The following FAM90A26 variants were observed in gnomAD, a reference collection of about 807,000 sequenced individuals.
FAM90A26 encodes protein FAM90A26.
intron 3 of FAM90A26, among the ~76,000 whole-genome samples, chr4:9,172,411 T>C (rs1713450530): frequency 2.6e-5 from 1 of 38,154 alleles, no homozygotes; most frequent in African/African-American, 8.7e-5. Flanking sequence ...GGTGGGTAAA[T>C]GGAAAAAGGA....
rs1365670402 is a variant in FAM90A26, at chr4:9,171,807, A to G, written c.-214+69A>G. 9.1e-4 allele frequency: 22 copies of G among 24,242 alleles called. 11 individuals are homozygous for G. Among genetic ancestry groups the G allele is most frequent in the African/African-American group, 5.7e-3 (22 of 3,848 alleles). The allele number at this position is 24,242 out of a possible 1,614,324, so 1.5% of individuals were successfully genotyped here. ...AAAAGATGGAAAAGAAGACAGGGGTACAGGCACCAGTGTTACATGTCTGAC... is the reference window on the plus strand; with the variant it reads ...AAAAGATGGAAAAGAAGACAGGGGTGCAGGCACCAGTGTTACATGTCTGAC... On this transcript the variant is annotated intron_variant, in intron 2 of 6. Coordinates refer to ENST00000512047, the Ensembl canonical transcript of FAM90A26.
At position 9,170,738 on chromosome 4, in the gene FAM90A26, G is replaced by A. The variant is rs1381966601; in HGVS notation, c.-421+216G>A. ...AGCCTAGAGGCCAGAGGAGGGAGGA[G>A]AGCAGGACCAGCAGCTGGCCCAGAC... On this transcript the variant is annotated intron_variant, in intron 1 of 6. Transcript: ENST00000512047. Among the ~76,000 whole-genome samples, 2 of 23,760 alleles carry A rather than the reference G, an allele frequency of 8.4e-5. 1 individual carries two copies. The highest frequency in any genetic ancestry group is 2.0e-3 in the East Asian group (2 of 1,014). 15.6% of individuals were successfully genotyped at this position (23,760 alleles called of 152,430 possible).
chr4:9,175,444 C>A, exon 7 of FAM90A26: 1 of 285,730 alleles, frequency 3.5e-6, no homozygotes, highest in Non-Finnish European at 5.0e-6. Flanking sequence ...AGCCTCTCCT[C>A]GTGGTGAAGC....
rs191110838 is a variant in FAM90A26, at chr4:9,174,951, T to A, written c.433-254T>A. ...CCCTTCCACTTCATGGAAGGCTGAGTGAAGGCGCTTTGATCCAGTTAATGC... is the reference window on the plus strand; with the variant it reads ...CCCTTCCACTTCATGGAAGGCTGAGAGAAGGCGCTTTGATCCAGTTAATGC... On this transcript the variant is annotated intron_variant, in intron 6 of 6. Coordinates refer to ENST00000512047, the Ensembl canonical transcript of FAM90A26. Among the ~76,000 whole-genome samples the A allele has an allele frequency of 0.011, 270 of 23,744 alleles. 69 individuals carry two copies. In the East Asian group the frequency reaches 0.12, roughly 11 times the overall value. The allele number at this position is 23,744 out of a possible 152,430, so 15.6% of individuals were successfully genotyped here.
Position 9,175,320 on chromosome 4 carries a change from T to A in FAM90A26, c.548T>A (p.Leu183Gln), listed in dbSNP as rs190394672. The A allele has an allele frequency of 7.5e-3, 2,098 of 281,506 alleles. 539 individuals carry two copies. The East Asian group carries it at 0.14, about 18-fold the overall frequency. 17.4% of individuals were successfully genotyped at this position (281,506 alleles called of 1,614,324 possible). Residue 183 changes from leucine (L) to glutamine (Q), a missense_variant, in exon 7 of 7, where the codon CTG becomes CAG. Coordinates refer to ENST00000512047, the Ensembl canonical transcript of FAM90A26. ...GACAGGGGCTCCGCCTTGGCTTCACTGTCTCCCCTCAGAAAAGCCAGTCTG... is the reference window on the plus strand; with the variant it reads ...GACAGGGGCTCCGCCTTGGCTTCACAGTCTCCCCTCAGAAAAGCCAGTCTG...
exon 6 of FAM90A26, chr4:9,174,514 G>T (rs1417989760): frequency 4.2e-6 from 1 of 236,262 alleles, no homozygotes; most frequent in East Asian, 1.1e-4. Flanking sequence ...AGAAGCCGCT[G>T]CCAAATCGAA....
rs781507337 is a variant in FAM90A26, at chr4:9,173,043, C to CG, written c.-56-67dup. ...CATGACCACACCGGCAAGGAGTTAGCGGGGGGGCTACCTGTGGGTGTGTGA... is the reference window on the plus strand; with the variant it reads ...CATGACCACACCGGCAAGGAGTTAGCGGGGGGGGCTACCTGTGGGTGTGTGA... On this transcript the variant is annotated intron_variant, in intron 3 of 6. Coordinates refer to ENST00000512047, the Ensembl canonical transcript of FAM90A26. The CG allele has an allele frequency of 8.3e-5, 9 of 107,908 alleles. 3 individuals are homozygous for CG. Among genetic ancestry groups the CG allele is most frequent in the Non-Finnish European group, 1.6e-4 (9 of 57,366 alleles). 6.7% of individuals were successfully genotyped at this position (107,908 alleles called of 1,614,324 possible). A position where few individuals can be genotyped will look rare whatever the true frequency, so the allele number is the denominator to read the frequency against.
chr4:9,172,570 A>T (rs1199812696), intron 3 of FAM90A26, among the ~76,000 whole-genome samples: 2 of 30,826 alleles, frequency 6.5e-5, no homozygotes, highest in Non-Finnish European at 1.4e-4. Flanking sequence ...AGCCAAAAAG[A>T]TAGAACAGGA....
At chr4:9,172,541 A>G (rs1234691937) in intron 3 of FAM90A26, among the ~76,000 whole-genome samples, 3 of 36,394 alleles carry the variant, frequency 8.2e-5, no homozygotes, top group African/African-American at 2.9e-4. Flanking sequence ...AAAAATAAAT[A>G]AAGAGGGGCT....
Position 9,173,221 on chromosome 4 carries a change from G to A in FAM90A26, c.49G>A (p.Ala17Thr). The A allele has an allele frequency of 7.4e-6, 2 of 268,638 alleles. 1 individual carries two copies. Among genetic ancestry groups the A allele is most frequent in the South Asian group, 8.6e-5 (2 of 23,366 alleles). 16.6% of individuals were successfully genotyped at this position (268,638 alleles called of 1,614,324 possible). A position where few individuals can be genotyped will look rare whatever the true frequency, so the allele number is the denominator to read the frequency against. ...ACCTGGGGCAAAGAGACTGGTGAGA[G>A]CCCAGACCCTCCAGAAGCAGCGGAG... is the stretch of plus-strand genomic sequence containing the variant. Residue 17 changes from alanine (A) to threonine (T), a missense_variant, in exon 4 of 7, where the codon GCC (alanine) becomes ACC (threonine). By Grantham distance (58) the Ala-to-Thr change is moderately conservative (BLOSUM62 0). Transcript: ENST00000512047.
rs1202649524 is a variant in FAM90A26 at position 9,172,158 on chromosome 4, G to T, written c.-68G>T. ...CGCCAGCCGGGGAAAGAAAGTAGAC[G>T]TGTAATTTCAGGTTAGTTTCACTGA... On this transcript the variant is annotated 5_prime_UTR_variant, in exon 3 of 7. Coordinates refer to ENST00000512047, the Ensembl canonical transcript of FAM90A26. 8 of 25,500 alleles carry T rather than the reference G, an allele frequency of 3.1e-4. 3 individuals carry two copies. The highest frequency in any genetic ancestry group is 1.8e-3 in the African/African-American group (8 of 4,330). The allele number at this position is 25,500 out of a possible 1,614,324, so 1.6% of individuals were successfully genotyped here.
At position 9,172,370 on chromosome 4, in the gene FAM90A26, C is replaced by G. The variant is rs368556964; in HGVS notation, c.-57+201C>G. ...GTGGGATAAGACCAAGGTGGGAATG[C>G]GAAAAGAAATGTACTGCAGCATGCT... On this transcript the variant is annotated intron_variant, in intron 3 of 6. Transcript: ENST00000512047. Among the ~76,000 whole-genome samples, 7 of 33,298 alleles carry G rather than the reference C, an allele frequency of 2.1e-4. 3 individuals are homozygous for G. Among genetic ancestry groups the G allele is most frequent in the Non-Finnish European group, 4.3e-4 (6 of 14,048 alleles). 21.8% of individuals were successfully genotyped at this position (33,298 alleles called of 152,430 possible).
chr4:9,176,446 G>A, exon 7 of FAM90A26: 1 of 63,980 alleles, frequency 1.6e-5, no homozygotes, highest in East Asian at 3.1e-4. Flanking sequence ...CAGAAACTGC[G>A]TGACGCGCAG....
chr4:9,174,138 G>T, intron 5 of FAM90A26, 149 bp downstream of exon 5: 1 of 107,986 alleles, frequency 9.3e-6, no homozygotes, highest in East Asian at 1.4e-4. Flanking sequence ...GTCCTCCGGG[G>T]TTCCACACCC....
chr4:9,171,242 G>A lies in FAM90A26; in HGVS notation c.-420-290G>A, dbSNP rs1713430733. ...GACGAAACAAGAAAAAAAAAAAGAT[G>A]CTTGGAAACTATTGAAAAAGTAGAA... On this transcript the variant is annotated intron_variant, in intron 1 of 6. Coordinates refer to ENST00000512047, the Ensembl canonical transcript of FAM90A26. 9.8e-5 allele frequency among the ~76,000 whole-genome samples: 2 copies of A among 20,344 alleles called. 1 individual carries two copies. The highest frequency in any genetic ancestry group is 2.0e-3 in the South Asian group (2 of 984). The allele number at this position is 20,344 out of a possible 152,430, so 13.3% of individuals were successfully genotyped here. A position where few individuals can be genotyped will look rare whatever the true frequency, so the allele number is the denominator to read the frequency against.
chr4:9,173,095 T>C lies in FAM90A26; in HGVS notation c.-56-22T>C. The C allele has an allele frequency of 1.4e-5, 2 of 145,336 alleles. 1 individual carries two copies. Among genetic ancestry groups the C allele is most frequent in the East Asian group, 2.6e-4 (2 of 7,660 alleles). 9.0% of individuals were successfully genotyped at this position (145,336 alleles called of 1,614,324 possible). On this transcript the variant is annotated intron_variant, in intron 3 of 6. Transcript: ENST00000512047. ...TATCCAATGTGCTTAACCATCGACGTGTGTGTTTGTGTGTGTTTCAGGTGA... is the reference window on the plus strand; with the variant it reads ...TATCCAATGTGCTTAACCATCGACGCGTGTGTTTGTGTGTGTTTCAGGTGA...
chr4:9,172,078 T>G (rs879064007), exon 3 of FAM90A26: 26 of 23,270 alleles, frequency 1.1e-3, no homozygotes, highest in South Asian at 5.4e-3. Flanking sequence ...TTCCTCCGTC[T>G]TCCTGGATGC....
At position 9,174,192 on chromosome 4, in the gene FAM90A26, G is replaced by A. The variant is rs1278497401; in HGVS notation, c.323+203G>A. 5.1e-4 allele frequency among the ~76,000 whole-genome samples: 12 copies of A among 23,566 alleles called. 6 individuals carry two copies. Among genetic ancestry groups the A allele is most frequent in the African/African-American group, 3.2e-3 (12 of 3,702 alleles). 15.5% of individuals were successfully genotyped at this position (23,566 alleles called of 152,430 possible). On this transcript the variant is annotated intron_variant, in intron 5 of 6. Coordinates refer to ENST00000512047, the Ensembl canonical transcript of FAM90A26. ...GGGAGATTCAGGGACAGGGAGAGGC[G>A]GGGGCGCTTCGTGCAGGTTCCCCAC...
chr4:9,173,499 C>G (rs190929433), intron 4 of FAM90A26, among the ~76,000 whole-genome samples: 1,996 of 23,828 alleles, frequency 0.084, 982 homozygotes, highest in African/African-American at 0.51. Context: ...AGGGCAACCT[C>G]CCTTTCTACT....
Sources: allele counts gnomAD v4.1 joint callset (sites outside exome capture counted in the v4.1 genomes callset), GRCh38; gene constraint gnomAD v4.1.1; transcripts MANE v1.5; gene names NCBI Gene and HGNC (gene_info 2026-07-23, HGNC 2026-07-21).